The following COX15 variants were observed in gnomAD, a reference collection of about 807,000 sequenced individuals.
COX15 encodes the protein heme A synthase COX15.
Under a neutral mutation model 51.9 loss-of-function variants are expected in COX15, and 51 were observed. The ratio of observed to expected loss-of-function variants is 0.98; its 90% CI spans 0.78 to 1.24. The LOEUF is 1.24. Ranked by LOEUF, COX15 falls within the 50% of genes most tolerant of loss-of-function variation. The pLI is 0.00. For synonymous variants in COX15, 188 were observed against 190.5 expected (o/e 0.99, Z 0.11); for missense variants, 420 against 501.1 (o/e 0.84, Z 1.55).
At chr10:99,720,187 G>A (rs1324955967) in intron 6 of COX15, among the ~76,000 whole-genome samples, 1 of 152,218 alleles carries the variant, frequency 6.6e-6, no homozygotes, top group Non-Finnish European at 1.5e-5. Flanking sequence ...GCTCATGCCT[G>A]TAATCCCAGC....
rs1031755895 is a variant in COX15 at position 99,713,111 on chromosome 10, T to C, written c.*1476A>G. The C allele has an allele frequency of 8.7e-6, 11 of 1,258,148 alleles. No individual in the cohort carries two copies. The highest frequency in any genetic ancestry group is 1.6e-5 in the South Asian group (1 of 60,718). The allele number at this position is 1,258,148 out of a possible 1,614,324, so 77.9% of individuals were successfully genotyped here. On this transcript the variant is annotated 3_prime_UTR_variant, in exon 9 of 9. Transcript: ENST00000016171. ...CAGTATGTTAGGGGTATTTTGACTA[T>C]GGCTGTGACACTTCTACTGATAAAA...
At position 99,711,761 on chromosome 10, in the gene COX15, G is replaced by A. The variant is rs1422233446; in HGVS notation, c.*2826C>T. The A allele has an allele frequency of 1.0e-6, 1 of 985,450 alleles. No individual in the cohort carries two copies. The highest frequency in any genetic ancestry group is 1.2e-6 in the Non-Finnish European group (1 of 829,946). The allele number at this position is 985,450 out of a possible 1,614,324, so 61.0% of individuals were successfully genotyped here. On this transcript the variant is annotated 3_prime_UTR_variant, in exon 9 of 9. Transcript: ENST00000016171. ...ATAGCATAAGCCCAGCCAGGGTCCA[G>A]CATTTATGAAAAATTGACAAACTGT... is the stretch of plus-strand genomic sequence containing the variant.
rs1590112467 is a variant in COX15, at chr10:99,732,071, C to T, written c.-22G>A. ...GCATACTGATGACAGGGAACAGCCA[C>T]CTCTTCCACAACCCAGGGCTCTGTG... On this transcript the variant is annotated 5_prime_UTR_variant, in exon 1 of 9. It adds an upstream start codon to the 5' untranslated region. Transcript: ENST00000016171. 6.2e-7 allele frequency: 1 copy of T among 1,608,612 alleles called. No homozygotes were observed. The highest frequency in any genetic ancestry group is 8.5e-7 in the Non-Finnish European group (1 of 1,177,514).
At chr10:99,710,593 G>T, downstream of COX15, 2 of 985,410 alleles carry the variant, frequency 2.0e-6, no homozygotes, top group Non-Finnish European at 2.4e-6. Flanking sequence ...TTTTAGGTCA[G>T]TGTTGAGGAA....
chr10:99,724,223 A>T, intron 4 of COX15, 100 bp from the exon 5 acceptor site: 2 of 1,359,148 alleles, frequency 1.5e-6, no homozygotes, highest in Non-Finnish European at 2.1e-6. Flanking sequence ...TCACTCTGTC[A>T]CCAGGCTGGA....
At chr10:99,727,385 T>C (rs1395972121) in intron 3 of COX15, 56 bp downstream of exon 3, 61 of 1,602,784 alleles carry the variant, frequency 3.8e-5, no homozygotes, top group Non-Finnish European at 5.0e-5. Context: ...AGGGTTTAAG[T>C]CCAAAAGATC....
At chr10:99,710,466 A>AAGGCTGCC (rs1322622385), downstream of COX15, 1 of 985,296 alleles carries the variant, frequency 1.0e-6, no homozygotes, top group Non-Finnish European at 1.2e-6. Flanking sequence ...TAAAAAACCA[A>AAGGCTGCC]AGGCTGCCTG....
At chr10:99,702,747 C>A in the COX15 span, 2 of 1,125,620 alleles carry the variant, frequency 1.8e-6, no homozygotes, top group Non-Finnish European at 2.4e-6. Flanking sequence ...CGGTTTCTTT[C>A]TTTTTTTTTT....
downstream of COX15, chr10:99,710,328 C>A (rs1000984): frequency 5.6e-4 from 553 of 985,432 alleles, 6 homozygotes; most frequent in East Asian, 0.02. Flanking sequence ...ATTTGAAATT[C>A]TCATTCCACA....
Position 99,713,305 on chromosome 10 carries a change from T to A in COX15, c.*1282A>T. On this transcript the variant is annotated 3_prime_UTR_variant, in exon 9 of 9. Coordinates refer to ENST00000016171, the MANE Select transcript of COX15 (RefSeq NM_078470.6). ...AACTTATTTAATTTAAATGAGTATG[T>A]TACATTTCTAATCTGTTTAATTTCA... The A allele has an allele frequency of 6.3e-7, 1 of 1,578,154 alleles. No individual in the cohort carries two copies. The highest frequency in any genetic ancestry group is 8.7e-7 in the Non-Finnish European group (1 of 1,154,314).
the COX15 span, chr10:99,698,535 T>G: frequency 6.2e-7 from 1 of 1,612,200 alleles, no homozygotes; most frequent in South Asian, 1.1e-5. Flanking sequence ...TTGTGGCAGA[T>G]TGCTTGGTCA....
chr10:99,709,122 A>G (rs2036309593), downstream of COX15: 1 of 982,940 alleles, frequency 1.0e-6, no homozygotes, highest in African/African-American at 1.7e-5. Flanking sequence ...CCTTTACTAC[A>G]ACATCCAAGC....
the COX15 span, chr10:99,704,423 C>T: frequency 6.2e-7 from 1 of 1,610,014 alleles, no homozygotes; most frequent in South Asian, 1.1e-5. Flanking sequence ...ACAGTTTTTT[C>T]CACCTACAAA....
chr10:99,731,370 G>A (rs1015077767), intron 1 of COX15, among the ~76,000 whole-genome samples: 8 of 152,174 alleles, frequency 5.3e-5, no homozygotes, highest in Non-Finnish European at 1.0e-4. Flanking sequence ...ACTTCCTCCA[G>A]GGCAGGAGTC....
Position 99,711,393 on chromosome 10 carries a change from C to T in COX15, c.*3194G>A. ...AGGAGAGGATGGTGTGGGAACCTGCCTCAGGAACTACAGTTCCCTTTCTTT... is the reference window on the plus strand; with the variant it reads ...AGGAGAGGATGGTGTGGGAACCTGCTTCAGGAACTACAGTTCCCTTTCTTT... On this transcript the variant is annotated 3_prime_UTR_variant, in exon 9 of 9. Transcript: ENST00000016171. 1.3e-5 allele frequency: 13 copies of T among 985,372 alleles called. No homozygotes were observed. The highest frequency in any genetic ancestry group is 1.6e-5 in the Non-Finnish European group (13 of 829,920). 61.0% of individuals were successfully genotyped at this position (985,372 alleles called of 1,614,324 possible).
intron 8 of COX15, among the ~76,000 whole-genome samples, chr10:99,715,278 C>T (rs912366361): frequency 6.6e-6 from 1 of 152,122 alleles, no homozygotes; most frequent in African/African-American, 2.4e-5. Context: ...GCTGGGATTA[C>T]AGGCGTGTGC....
chr10:99,729,387 G>A (rs892753231), intron 2 of COX15, among the ~76,000 whole-genome samples, 166 bp downstream of exon 2: 3 of 149,394 alleles, frequency 2.0e-5, no homozygotes, highest in Admixed American at 1.3e-4. Context: ...TTGAACTCAG[G>A]AGACGGAGGT....
chr10:99,704,946 TC>T, the COX15 span: 5 of 492,840 alleles, frequency 1.0e-5, no homozygotes, highest in South Asian at 1.2e-4. Flanking sequence ...GAAGCAGGCT[TC>T]GACTCCTTCT....
At chr10:99,707,877 G>A (rs796569875), downstream of COX15, among the ~76,000 whole-genome samples, 6 of 152,188 alleles carry the variant, frequency 3.9e-5, no homozygotes, top group African/African-American at 1.2e-4. Flanking sequence ...TTAGCTCCTT[G>A]AATTTCCTTA....
Sources: allele counts gnomAD v4.1 joint callset (sites outside exome capture counted in the v4.1 genomes callset), GRCh38; gene constraint gnomAD v4.1.1; transcripts MANE v1.5; gene names NCBI Gene and HGNC (gene_info 2026-07-23, HGNC 2026-07-21).